RIPOR2: variants seen among roughly 807,000 people sequenced by gnomAD.
The protein encoded by RIPOR2 is rho family-interacting cell polarization regulator 2.
A neutral mutation model predicts 114.5 loss-of-function variants in RIPOR2; 39 were observed. The ratio of observed to expected loss-of-function variants is 0.34; its 90% CI spans 0.26 to 0.44. The LOEUF (loss-of-function observed/expected upper bound fraction) is 0.44. Ranked by LOEUF, RIPOR2 falls within the 20% of genes least tolerant of loss-of-function variation. The probability of loss-of-function intolerance (pLI) is 1.00; values close to 1 mark genes in which losing one functional copy is unlikely to be tolerated. For synonymous variants in RIPOR2, 445 were observed against 484.4 expected (o/e 0.92, Z 1.07); for missense variants, 1,007 against 1,255.1 (o/e 0.80, Z 2.99).
chr6:24,890,208 T>C (rs544997704), intron 1 of RIPOR2, among the ~76,000 whole-genome samples: 46 of 152,322 alleles, frequency 3.0e-4, no homozygotes, highest in African/African-American at 9.6e-4. Flanking sequence ...ACCTGTATGT[T>C]TAATGTAGCA....
intron 1 of RIPOR2, among the ~76,000 whole-genome samples, chr6:25,004,495 C>T (rs763723047): frequency 1.3e-5 from 2 of 152,130 alleles, no homozygotes; most frequent in Non-Finnish European, 2.9e-5. Context: ...TCCACCTTGT[C>T]GCCTCCTCTC....
At position 24,858,135 on chromosome 6, in the gene RIPOR2, A is replaced by G. The variant is rs1362588424; in HGVS notation, c.715+2838T>C. Among the ~76,000 whole-genome samples, 1 of 152,016 alleles carries G rather than the reference A, an allele frequency of 6.6e-6. No individual in the cohort carries two copies. Among genetic ancestry groups the G allele is most frequent in the Non-Finnish European group, 1.5e-5 (1 of 68,000 alleles). ...CTGCTTTTGCAGCAAACTGGGTCAC[A>G]CTGTTGTTCAGGTGGTCATTTGTTC... On this transcript the variant is annotated intron_variant, in intron 8 of 21. Coordinates refer to ENST00000643898, the MANE Select transcript of RIPOR2 (RefSeq NM_001286445.3). The surrounding 1 kb of genome is among the most constrained non-coding windows in gnomAD (Gnocchi z 4.0).
intron 1 of RIPOR2, among the ~76,000 whole-genome samples, chr6:25,010,180 C>T (rs1342417599): frequency 1.3e-5 from 2 of 152,138 alleles, no homozygotes; most frequent in Admixed American, 6.5e-5. Flanking sequence ...GGAGGTGGGG[C>T]CTAATGGAGG....
chr6:24,886,737 T>G (rs1766869716), intron 1 of RIPOR2, among the ~76,000 whole-genome samples: 1 of 152,240 alleles, frequency 6.6e-6, no homozygotes, highest in Non-Finnish European at 1.5e-5. Context: ...ATGTTAACTT[T>G]GATCAGTTGG....
chr6:24,870,550 G>C (rs1018549229), intron 5 of RIPOR2, among the ~76,000 whole-genome samples: 5 of 152,198 alleles, frequency 3.3e-5, no homozygotes, highest in Admixed American at 2.6e-4. Flanking sequence ...TCTCAACCCA[G>C]GCTGGAGTGC....
In RIPOR2 at chr6:25,016,823, G is replaced by T. The variant is rs564990826; in HGVS notation, c.76+25028C>A. Among the ~76,000 whole-genome samples the T allele has an allele frequency of 2.6e-5, 4 of 152,166 alleles. No individual in the cohort carries two copies. In the East Asian group the frequency reaches 7.7e-4, roughly 29 times the overall value. On this transcript the variant is annotated intron_variant, in intron 1 of 13. Coordinates refer to the RIPOR2 transcript ENST00000510784. ...ATTTATTAATTCCAATTTTAGTTCTGGGTTTCTAAAAATTTCCAGGAATAA... is the reference window on the plus strand; with the variant it reads ...ATTTATTAATTCCAATTTTAGTTCTTGGTTTCTAAAAATTTCCAGGAATAA...
intron 15 of RIPOR2, 119 bp from the exon 16 acceptor site, chr6:24,832,510 C>T (rs1329703954): frequency 1.2e-6 from 1 of 860,040 alleles, no homozygotes; most frequent in Non-Finnish European, 1.8e-6. Context: ...CGATGTTTTT[C>T]TTCCAGCTCG....
chr6:24,838,909 G>A lies in RIPOR2; in HGVS notation c.2039+182C>T, dbSNP rs183709005. On this transcript the variant is annotated intron_variant, in intron 14 of 21. Coordinates refer to ENST00000643898, the MANE Select transcript of RIPOR2 (RefSeq NM_001286445.3). ...TTTTCCCTTAAGCAACCCAAAAGAG[G>A]TGAATAATATTGACCCTTTTATTGC... Among the ~76,000 whole-genome samples, 859 of 152,228 alleles carry A rather than the reference G, an allele frequency of 5.6e-3. 3 individuals carry two copies. The highest frequency in any genetic ancestry group is 9.0e-3 in the Non-Finnish European group (609 of 68,012).
At chr6:24,945,492 A>T (rs184738356) in intron 1 of RIPOR2, among the ~76,000 whole-genome samples, 79 of 152,300 alleles carry the variant, frequency 5.2e-4, no homozygotes, top group African/African-American at 1.7e-3. Context: ...TCTTGTTTGT[A>T]ACTCTTTTCC....
At position 24,850,588 on chromosome 6, in the gene RIPOR2, A is replaced by G. The variant is rs779838365; in HGVS notation, c.885+9T>C. On this transcript the variant is annotated intron_variant, in intron 10 of 21. Transcript: ENST00000643898. ...CCAGGAAAGACAACAGGCAATGACA[A>G]TACTGTACCTTGATGGAGATGAACC... The G allele has an allele frequency of 2.5e-6, 4 of 1,613,922 alleles. No homozygotes were observed. The South Asian group carries it at 3.3e-5, about 13-fold the overall frequency.
chr6:24,987,894 G>C (rs1774604584), intron 1 of RIPOR2, among the ~76,000 whole-genome samples: 1 of 152,134 alleles, frequency 6.6e-6, no homozygotes, highest in African/African-American at 2.4e-5. Flanking sequence ...ATACTGTCTT[G>C]TCATCAACAG....
chr6:25,016,836 T>C (rs1184189857), intron 1 of RIPOR2, among the ~76,000 whole-genome samples: 1 of 152,228 alleles, frequency 6.6e-6, no homozygotes, highest in African/African-American at 2.4e-5. Context: ...TTTCTAAAAA[T>C]TTCCAGGAAT....
At chr6:24,885,156 T>C (rs1766709384) in intron 1 of RIPOR2, among the ~76,000 whole-genome samples, 1 of 152,186 alleles carries the variant, frequency 6.6e-6, no homozygotes, top group South Asian at 2.1e-4. Flanking sequence ...TAAAGCGGAT[T>C]GGAGACAATT....
intron 1 of RIPOR2, among the ~76,000 whole-genome samples, chr6:25,025,475 C>CT (rs1489956487): frequency 1.3e-5 from 2 of 151,926 alleles, no homozygotes; most frequent in Non-Finnish European, 2.9e-5. Flanking sequence ...GCAATAGGAC[C>CT]TTTAAAAAAA....
At chr6:25,012,954 T>TG (rs1350412567) in intron 1 of RIPOR2, among the ~76,000 whole-genome samples, 1 of 151,714 alleles carries the variant, frequency 6.6e-6, no homozygotes, top group Non-Finnish European at 1.5e-5. Flanking sequence ...ACGGAGGGGA[T>TG]GGGGGGCCAG....
intron 1 of RIPOR2, among the ~76,000 whole-genome samples, chr6:25,018,268 A>C (rs1776115240): frequency 6.6e-6 from 1 of 152,248 alleles, no homozygotes; most frequent in African/African-American, 2.4e-5. Flanking sequence ...TTTACATGAA[A>C]AGAGCAAACT....
intron 1 of RIPOR2, among the ~76,000 whole-genome samples, chr6:25,024,894 G>C (rs1449830977): frequency 1.3e-5 from 2 of 152,118 alleles, no homozygotes; most frequent in African/African-American, 4.8e-5. Context: ...GGTTTTCTTT[G>C]ATGACTTGGA....
At chr6:24,978,165 C>G (rs867167299) in intron 1 of RIPOR2, among the ~76,000 whole-genome samples, 1 of 152,004 alleles carries the variant, frequency 6.6e-6, no homozygotes, top group Non-Finnish European at 1.5e-5. Context: ...GTGAGTGAGT[C>G]TTTTTCATTC....
rs1314934067 is a variant in RIPOR2, at chr6:24,848,078, T to C, written c.1111A>G (p.Met371Val). ...KAAALQRRMS[M>V]YSQGTPETPT... is the part of the protein sequence containing the mutation. ...GTTTCCGGGGTACCCTGGCTGTACA[T>C]GGACATTCTCCTCTGAAGGGCTGCT... Residue 371 changes from methionine (M) to valine (V), a missense_variant, in exon 12 of 22, where the codon ATG becomes GTG. By Grantham distance (21) the Met-to-Val change is conservative. Coordinates refer to ENST00000643898, the MANE Select transcript of RIPOR2 (RefSeq NM_001286445.3). The C allele has an allele frequency of 1.9e-6, 3 of 1,613,842 alleles. No individual in the cohort carries two copies. The highest frequency in any genetic ancestry group is 1.3e-5 in the African/African-American group (1 of 74,932).
Sources: gnomAD v4.1 joint callset for allele counts (sites outside exome capture counted in the v4.1 genomes callset) on GRCh38, gnomAD v4.1.1 for gene constraint, Gnocchi (gnomAD v3.1) non-coding constraint, MANE v1.5 for transcripts, NCBI Gene and HGNC (gene_info 2026-07-23, HGNC 2026-07-21) for gene names.